PDE4DIP: variants seen among roughly 807,000 people sequenced by gnomAD.
The protein encoded by PDE4DIP is phosphodiesterase 4D interacting protein.
Under a neutral mutation model 221.4 loss-of-function variants are expected in PDE4DIP, and 59 were observed. The ratio of observed to expected loss-of-function variants is 0.27; its 90% CI spans 0.22 to 0.33. The LOEUF is 0.33. PDE4DIP is among the 10% of genes least tolerant of loss of function. The pLI is 1.00. For missense variants in PDE4DIP, 1,036 were observed against 2,154.2 expected, an observed-to-expected ratio of 0.48 and a Z score of 10.28; for synonymous variants, 404 against 815.9, an observed-to-expected ratio of 0.50 and a Z score of 8.60.
At chr1:148,975,306 A>C (rs2059952668) in intron 17 of PDE4DIP, among the ~76,000 whole-genome samples, 1 of 146,582 alleles carries the variant, frequency 6.8e-6, no homozygotes, top group South Asian at 2.3e-4. Context: ...ATTTGAGTAT[A>C]ATCAGTGTTT....
intron 1 of PDE4DIP, among the ~76,000 whole-genome samples, chr1:148,920,044 A>C (rs2045168435): frequency 6.8e-6 from 1 of 147,820 alleles, no homozygotes; most frequent in South Asian, 2.1e-4. Flanking sequence ...GCAATCTTTA[A>C]TCTCCAATAC....
chr1:148,981,309 G>A (rs2061031660), exon 21 of PDE4DIP: 1 of 1,613,894 alleles, frequency 6.2e-7, no homozygotes, highest in Non-Finnish European at 8.5e-7. Context: ...AACTGGAAGG[G>A]GCTCAGGTGT....
intron 38 of PDE4DIP, among the ~76,000 whole-genome samples, chr1:149,025,437 C>T (rs1385792033): frequency 2.0e-5 from 3 of 152,098 alleles, no homozygotes; most frequent in African/African-American, 7.2e-5. Context: ...GGGTGGTCAT[C>T]ATTCGCTTTC....
chr1:148,832,680 A>C (rs1301922078), intron 1 of PDE4DIP, among the ~76,000 whole-genome samples: 2 of 151,952 alleles, frequency 1.3e-5, no homozygotes, highest in African/African-American at 4.8e-5. Context: ...TTCTGCATCT[A>C]TTGAGATAAT....
At chr1:148,869,776 C>CT (rs1688456247) in intron 3 of PDE4DIP, among the ~76,000 whole-genome samples, 1 of 88,320 alleles carries the variant, frequency 1.1e-5, no homozygotes, top group South Asian at 4.1e-4. Flanking sequence ...CTCTTGTGCT[C>CT]TAAAAAAAAA....
intron 31 of PDE4DIP, 106 bp from the exon 35 acceptor site, chr1:149,012,485 G>A: frequency 3.3e-6 from 2 of 608,396 alleles, no homozygotes; most frequent in East Asian, 5.6e-5. Context: ...TCCGCAGGGT[G>A]ATGTCTGGTC....
chr1:148,965,343 A>G (rs1335692928), intron 9 of PDE4DIP, 141 bp from the exon 13 acceptor site: 9 of 605,160 alleles, frequency 1.5e-5, no homozygotes, highest in African/African-American at 1.3e-4. Context: ...CAATTCATGT[A>G]TAATACTTCT....
At chr1:148,827,593 G>A (rs10737210) in intron 1 of PDE4DIP, among the ~76,000 whole-genome samples, 13,012 of 61,394 alleles carry the variant, frequency 0.21, 62 homozygotes, top group East Asian at 0.38. Context: ...GTTATGCAAC[G>A]ATTTTAAATA....
chr1:148,922,884 C>A (rs1553462815), intron 1 of PDE4DIP, among the ~76,000 whole-genome samples: 1 of 149,894 alleles, frequency 6.7e-6, no homozygotes, highest in African/African-American at 2.5e-5. Flanking sequence ...CCGTGCCCGG[C>A]CCTTATTTTT....
At chr1:148,974,108 C>CT (rs1313756890) in intron 16 of PDE4DIP, among the ~76,000 whole-genome samples, 1 of 1,100 alleles carries the variant, frequency 9.1e-4, no homozygotes, top group East Asian at 9.8e-3. Flanking sequence ...AATGAATCAT[C>CT]TGCGTATATG....
At position 149,001,722 on chromosome 1, in the gene PDE4DIP, AAG is replaced by A; in HGVS notation, c.3272_3273del (p.Glu1091GlyfsTer4). ...GTGATGGTTGAGACTGTGGTAACCA[AAG>A]AGGGTCTGAGTGAGAGTAGCCTTCA... On this transcript the variant is annotated frameshift_variant, in exon 24 of 44. Coordinates refer to ENST00000369354, the Ensembl canonical transcript of PDE4DIP. LOFTEE classifies it high-confidence loss of function. The A allele has an allele frequency of 6.7e-7, 1 of 1,493,410 alleles. No individual in the cohort carries two copies. The highest frequency in any genetic ancestry group is 9.3e-7 in the Non-Finnish European group (1 of 1,071,554). 92.5% of individuals were successfully genotyped at this position (1,493,410 alleles called of 1,614,324 possible).
At chr1:148,978,607 A>G (rs1338771116) in intron 19 of PDE4DIP, among the ~76,000 whole-genome samples, 192 bp downstream of exon 22, 4 of 151,860 alleles carry the variant, frequency 2.6e-5, no homozygotes, top group South Asian at 2.1e-4. Context: ...CATTGAGACA[A>G]GGTCTCACTG....
intron 22 of PDE4DIP, among the ~76,000 whole-genome samples, chr1:148,995,880 AT>A (rs1354819147): frequency 1.4e-4 from 21 of 149,768 alleles, no homozygotes; most frequent in African/African-American, 4.6e-4. Context: ...AAATAAAAAA[AT>A]AAAAAATAAA....
intron 1 of PDE4DIP, among the ~76,000 whole-genome samples, chr1:148,926,674 C>G (rs10910677): frequency 0.7 from 104,280 of 149,658 alleles, 36,902 homozygotes; most frequent in East Asian, 0.92. Flanking sequence ...GCCTATTACA[C>G]ATTAGGAAGT....
intron 21 of PDE4DIP, chr1:148,989,228 C>T: frequency 1.6e-6 from 1 of 618,650 alleles, no homozygotes; most frequent in Non-Finnish European, 2.3e-6. Flanking sequence ...CATTTTAATT[C>T]AAATTGGTAA....
chr1:149,017,755 C>G, exon 34 of PDE4DIP: 1 of 1,596,650 alleles, frequency 6.3e-7, no homozygotes, highest in Middle Eastern at 1.7e-4. Context: ...CAGGGGCTGA[C>G]CTGCTGGAAG....
At chr1:148,889,088 G>A (rs77155703), upstream of PDE4DIP, among the ~76,000 whole-genome samples, 2 of 151,868 alleles carry the variant, frequency 1.3e-5, no homozygotes, top group African/African-American at 4.9e-5. Flanking sequence ...GATTATCAAA[G>A]GAAATTGAGA....
chr1:148,967,595 A>G (rs1157423256), intron 12 of PDE4DIP, 131 bp from the exon 16 acceptor site: 50 of 621,616 alleles, frequency 8.0e-5, no homozygotes, highest in Non-Finnish European at 1.3e-4. Context: ...GCATTGTTAG[A>G]TCAATGTTCT....
chr1:148,855,317 ATG>A (rs1553393387), intron 1 of PDE4DIP, among the ~76,000 whole-genome samples: 1 of 134,338 alleles, frequency 7.4e-6, no homozygotes, highest in East Asian at 2.1e-4. Flanking sequence ...CAAGAAAGTA[ATG>A]TTAGTTTCCT....
Sources: allele counts gnomAD v4.1 joint callset (sites outside exome capture counted in the v4.1 genomes callset), GRCh38; gene constraint gnomAD v4.1.1; transcripts MANE v1.5; gene names NCBI Gene and HGNC (gene_info 2026-07-23, HGNC 2026-07-21).